Variants in IPO5 observed in about 807,000 individuals in gnomAD.
IPO5 encodes importin-5.
IPO5 carries 18 observed loss-of-function variants against 143.3 expected under a neutral mutation model. That is an observed-to-expected ratio of 0.13 (90% CI 0.09 to 0.19). The LOEUF (loss-of-function observed/expected upper bound fraction) is 0.19. Ranked by LOEUF, IPO5 falls within the 10% of genes least tolerant of loss-of-function variation. The pLI, the probability that IPO5 is intolerant of heterozygous loss-of-function variation, is 1.00. For missense variants in IPO5, 1,013 were observed against 1,336.9 expected, an observed-to-expected ratio of 0.76 and a Z score of 3.78; for synonymous variants, 477 against 465.7, an observed-to-expected ratio of 1.02 and a Z score of -0.31.
chr13:97,990,024 A>C (rs1004333813), intron 7 of IPO5, 102 bp from the exon 8 acceptor site: 1 of 718,004 alleles, frequency 1.4e-6, no homozygotes, highest in Non-Finnish European at 2.4e-6. Context: ...ATTAATGCGT[A>C]CTGAGTCAGG....
intron 2 of IPO5, among the ~76,000 whole-genome samples, chr13:97,957,942 A>G (rs1334450199): frequency 1.3e-5 from 2 of 152,048 alleles, no homozygotes; most frequent in African/African-American, 2.4e-5. Context: ...CCGAGATCGC[A>G]CCACTGCACT....
chr13:98,003,127 G>A lies in IPO5; in HGVS notation c.1497+90G>A. ...AGAACTGGAGAAAGAGGGACTTGCA[G>A]CATGACCATAAAGAATATAAAGTAC... On this transcript the variant is annotated intron_variant, in intron 16 of 28. Transcript: ENST00000651721. 5 of 955,552 alleles carry A rather than the reference G, an allele frequency of 5.2e-6. No individual in the cohort carries two copies. In the South Asian group the frequency reaches 8.0e-5, roughly 15 times the overall value. The allele number at this position is 955,552 out of a possible 1,614,324, so 59.2% of individuals were successfully genotyped here.
intron 4 of IPO5, among the ~76,000 whole-genome samples, chr13:97,978,444 G>A (rs1439068960): frequency 1.3e-5 from 2 of 152,150 alleles, no homozygotes; most frequent in Non-Finnish European, 2.9e-5. Flanking sequence ...ACTATGCGCA[G>A]GAGTACATGT....
At chr13:98,010,960 T>C (rs1255456489) in intron 20 of IPO5, among the ~76,000 whole-genome samples, 1 of 151,676 alleles carries the variant, frequency 6.6e-6, no homozygotes, top group African/African-American at 2.4e-5. Context: ...TTTGTATTTT[T>C]AGTAGAGATG....
intron 2 of IPO5, among the ~76,000 whole-genome samples, chr13:97,969,326 T>G (rs1885633190): frequency 6.6e-6 from 1 of 151,212 alleles, no homozygotes; most frequent in African/African-American, 2.4e-5. Flanking sequence ...GGACTACAGG[T>G]GCCCACCACC....
chr13:97,969,771 A>G lies in IPO5; in HGVS notation c.-64A>G. On this transcript the variant is annotated 5_prime_UTR_variant, in exon 3 of 29. The change abolishes an upstream ATG in the 5' untranslated region. Coordinates refer to ENST00000651721, the MANE Select transcript of IPO5 (RefSeq NM_002271.6). ...AACACTGCTCAGAAAGTACTGCAGC[A>G]TGTCTTCAAATGCCTGAGGATCAAG... 6.2e-7 allele frequency: 1 copy of G among 1,610,478 alleles called. No individual in the cohort carries two copies. Among genetic ancestry groups the G allele is most frequent in the Non-Finnish European group, 8.5e-7 (1 of 1,176,934 alleles).
intron 27 of IPO5, 41 bp from the exon 28 acceptor site, chr13:98,020,951 T>C (rs201556633): frequency 1.8e-5 from 28 of 1,537,440 alleles, no homozygotes; most frequent in Non-Finnish European, 2.4e-5. Flanking sequence ...ATATTTCTCC[T>C]TATAAATTTC....
In IPO5 at chr13:97,966,566, GTTTT is replaced by G. The variant is rs964047063; in HGVS notation, c.-112-3152_-112-3149del. Among the ~76,000 whole-genome samples the G allele has an allele frequency of 4.3e-4, 65 of 151,770 alleles. 1 individual carries two copies. Among genetic ancestry groups the G allele is most frequent in the Admixed American group, 1.4e-3 (22 of 15,216 alleles). ...ATTTTTGTGTCGATATTGGTCTATAGTTTTTTTTGTTTTTGGCAGCAGGGCACAA... is the reference window on the plus strand; with the variant it reads ...ATTTTTGTGTCGATATTGGTCTATAGTTTTGTTTTTGGCAGCAGGGCACAA... On this transcript the variant is annotated intron_variant, in intron 2 of 28. Transcript: ENST00000651721.
At chr13:97,992,085 C>A (rs640989) in intron 9 of IPO5, among the ~76,000 whole-genome samples, 95,756 of 152,102 alleles carry the variant, frequency 0.63, 31,676 homozygotes, top group African/African-American at 0.85. Context: ...TTCTCTCCCC[C>A]TGCTATCACA....
intron 4 of IPO5, among the ~76,000 whole-genome samples, chr13:97,979,480 G>A (rs572326466): frequency 2.0e-5 from 3 of 152,146 alleles, no homozygotes; most frequent in Admixed American, 6.5e-5. Context: ...TTGAAGAAAC[G>A]TATGTGAATG....
At chr13:97,997,487 G>C (rs565319284) in intron 11 of IPO5, 44 bp from the exon 12 acceptor site, 6 of 1,101,174 alleles carry the variant, frequency 5.4e-6, no homozygotes, top group Admixed American at 3.7e-5. Flanking sequence ...ATATGGATAA[G>C]ATAAAGTCAC....
chr13:97,982,977 TCTC>T (rs1271055333), intron 5 of IPO5, among the ~76,000 whole-genome samples: 2 of 152,190 alleles, frequency 1.3e-5, no homozygotes, highest in African/African-American at 4.8e-5. Flanking sequence ...TTCAAGCAGT[TCTC>T]CTGCCTCAGC....
chr13:97,969,170 TA>T (rs1566454666), intron 2 of IPO5, among the ~76,000 whole-genome samples: 25 of 84,356 alleles, frequency 3.0e-4, no homozygotes, highest in African/African-American at 6.5e-4. Flanking sequence ...TATATATATA[TA>T]TATATTTTTT....
At chr13:97,965,269 G>A (rs1268348190) in intron 2 of IPO5, among the ~76,000 whole-genome samples, 1 of 152,072 alleles carries the variant, frequency 6.6e-6, no homozygotes, top group African/African-American at 2.4e-5. Context: ...ATGATGGGTT[G>A]GTAGGTGCAG....
In IPO5 at chr13:98,021,930, G is replaced by T. The variant is rs1890524444; in HGVS notation, c.*108G>T. 8.2e-6 allele frequency: 5 copies of T among 610,212 alleles called. No individual in the cohort carries two copies. The highest frequency in any genetic ancestry group is 1.1e-5 in the Non-Finnish European group (4 of 366,472). The allele number at this position is 610,212 out of a possible 1,614,324, so 37.8% of individuals were successfully genotyped here. On this transcript the variant is annotated 3_prime_UTR_variant, in exon 29 of 29. Coordinates refer to ENST00000651721, the MANE Select transcript of IPO5 (RefSeq NM_002271.6). ...GCAAAAGAGATCGGTAGTGTTGTGT[G>T]TAGGCCATTCTTCTGGAGAGCCACA...
chr13:97,979,879 T>C (rs1049991144), intron 4 of IPO5: 21 of 456,612 alleles, frequency 4.6e-5, no homozygotes, highest in African/African-American at 3.4e-4. Context: ...TACCTGATTG[T>C]TGAGGAACCA....
intron 6 of IPO5, chr13:97,987,122 C>T (rs1887426298): frequency 1.8e-5 from 3 of 168,550 alleles, no homozygotes; most frequent in Admixed American, 6.5e-5. Flanking sequence ...GAACCCAGGG[C>T]ATGAAGATCC....
At chr13:98,006,724 A>G (rs980421051) in intron 17 of IPO5, among the ~76,000 whole-genome samples, 7 of 151,984 alleles carry the variant, frequency 4.6e-5, no homozygotes, top group African/African-American at 1.7e-4. Context: ...CTGTGGAGGC[A>G]TTGAGAGTAC....
intron 7 of IPO5, 51 bp downstream of exon 7, chr13:97,989,215 A>C (rs376713063): frequency 1.0e-6 from 1 of 977,322 alleles, no homozygotes; most frequent in Admixed American, 1.9e-5. Context: ...TGAATGCCCT[A>C]AACACCTTTT....
Sources: allele counts gnomAD v4.1 joint callset (sites outside exome capture counted in the v4.1 genomes callset), GRCh38; gene constraint gnomAD v4.1.1; transcripts MANE v1.5; gene names NCBI Gene and HGNC (gene_info 2026-07-23, HGNC 2026-07-21).